The following UCHL5 variants were observed in gnomAD, a reference collection of about 807,000 sequenced individuals.
The protein encoded by UCHL5 is ubiquitin carboxyl-terminal hydrolase isozyme L5.
Under a neutral mutation model 53.8 loss-of-function variants are expected in UCHL5, and 34 were observed. That is an observed-to-expected ratio of 0.63 (90% CI 0.48 to 0.84). The LOEUF is 0.84. Among genes scored for constraint, UCHL5 ranks in the 40% least tolerant of loss-of-function variants. The pLI, the probability that UCHL5 is intolerant of heterozygous loss-of-function variation, is 0.00. For synonymous variants in UCHL5, 111 were observed against 126.3 expected, an observed-to-expected ratio of 0.88 and a Z score of 0.81; for missense variants, 290 against 385.6, an observed-to-expected ratio of 0.75 and a Z score of 2.08.
chr1:193,034,319 C>T (rs1361646233), intron 3 of UCHL5, among the ~76,000 whole-genome samples: 4 of 151,488 alleles, frequency 2.6e-5, no homozygotes, highest in South Asian at 2.1e-4. Flanking sequence ...ATATTAATAA[C>T]AACCGTATGA....
intron 3 of UCHL5, among the ~76,000 whole-genome samples, chr1:193,039,927 G>A (rs1664951450): frequency 6.6e-6 from 1 of 152,108 alleles, no homozygotes; most frequent in Admixed American, 6.6e-5. Flanking sequence ...ATGGTTCTGG[G>A]AAAACTGGAT....
At chr1:193,059,615 C>T (rs1253944427), upstream of UCHL5, 5 of 1,426,610 alleles carry the variant, frequency 3.5e-6, no homozygotes, top group Non-Finnish European at 4.7e-6. The surrounding 1 kb of genome is among the most constrained non-coding windows in gnomAD (Gnocchi z 4.9). Flanking sequence ...GGGCAGGACT[C>T]GTTCCCGGGA....
At chr1:193,020,955 G>T in intron 10 of UCHL5, 142 bp downstream of exon 10, 1 of 617,596 alleles carries the variant, frequency 1.6e-6, no homozygotes, top group Non-Finnish European at 2.8e-6. Context: ...TTACAGAGTA[G>T]AAAACAAGAG....
At chr1:193,042,236 A>G (rs1665828946) in intron 3 of UCHL5, among the ~76,000 whole-genome samples, 1 of 152,254 alleles carries the variant, frequency 6.6e-6, no homozygotes, top group African/African-American at 2.4e-5. Context: ...GATAAACAGA[A>G]TTCAACATAA....
chr1:193,034,322 C>T (rs1378094214), intron 3 of UCHL5, among the ~76,000 whole-genome samples: 1 of 151,474 alleles, frequency 6.6e-6, no homozygotes, highest in African/African-American at 2.4e-5. Flanking sequence ...TTAATAACAA[C>T]CGTATGAAAT....
Position 193,049,807 on chromosome 1 carries a change from TCTC to T in UCHL5, c.182_184del (p.Gly61del), listed in dbSNP as rs767126160. 6.2e-7 allele frequency: 1 copy of T among 1,612,522 alleles called. No individual in the cohort carries two copies. Among genetic ancestry groups the T allele is most frequent in the East Asian group, 2.2e-5 (1 of 44,856 alleles). The stretch of plus-strand genomic sequence containing the variant: ...CTGAACCACAGAGCCTGCTGGTTCT[TCTC>T]CTGGCTGCCACTTGAAAAGAAAAAT... On this transcript the variant is annotated inframe_deletion, in exon 3 of 11. Transcript: ENST00000367454.
chr1:193,023,963 TAA>T lies in UCHL5; in HGVS notation c.630-19_630-18del, dbSNP rs1658130079. 2 of 1,506,952 alleles carry T rather than the reference TAA, an allele frequency of 1.3e-6. No homozygotes were observed. The highest frequency in any genetic ancestry group is 1.8e-6 in the Non-Finnish European group (2 of 1,092,784). The allele number at this position is 1,506,952 out of a possible 1,614,324, so 93.3% of individuals were successfully genotyped here. ...TCACTGTACCTAGAAGAAAATTATT[TAA>T]GTTTATAATGTAATAAAGAATTGTA... On this transcript the variant is annotated intron_variant, in intron 7 of 10. Coordinates refer to ENST00000367454, the MANE Select transcript of UCHL5 (RefSeq NM_001199261.3).
Position 193,051,699 on chromosome 1 carries a change from T to A in UCHL5, c.140+55A>T, listed in dbSNP as rs1021324763. Reference sequence around the variant, plus strand: ...TAAACAAACAAATCTGAATATCCTTTAAGTTTGTTAAAGTATATATATATA... The same window carrying A: ...TAAACAAACAAATCTGAATATCCTTAAAGTTTGTTAAAGTATATATATATA... On this transcript the variant is annotated intron_variant, in intron 2 of 10. Transcript: ENST00000367454. 1.2e-4 allele frequency: 127 copies of A among 1,080,134 alleles called. 1 individual carries two copies. In the East Asian group the frequency reaches 3.5e-3, roughly 30 times the overall value. 66.9% of individuals were successfully genotyped at this position (1,080,134 alleles called of 1,614,324 possible). A position where few individuals can be genotyped will look rare whatever the true frequency, so the allele number is the denominator to read the frequency against.
chr1:193,017,169 C>G (rs1571403961), intron 10 of UCHL5, among the ~76,000 whole-genome samples: 1 of 151,754 alleles, frequency 6.6e-6, no homozygotes. Flanking sequence ...CTAACAAACT[C>G]TCAGATGATG....
intron 3 of UCHL5, among the ~76,000 whole-genome samples, chr1:193,045,735 A>C (rs1667131432): frequency 6.6e-6 from 1 of 152,214 alleles, no homozygotes; most frequent in Non-Finnish European, 1.5e-5. Context: ...TAAAAATATA[A>C]ATTGTTTTCA....
chr1:193,020,303 C>A, intron 10 of UCHL5: 1 of 1,541,746 alleles, frequency 6.5e-7, no homozygotes, highest in Non-Finnish European at 8.8e-7. Context: ...GAAAATATAC[C>A]TACCATGTAT....
chr1:193,048,179 T>C (rs1215552519), intron 3 of UCHL5, among the ~76,000 whole-genome samples: 2 of 152,182 alleles, frequency 1.3e-5, no homozygotes, highest in African/African-American at 2.4e-5. Context: ...CAAATGTGGT[T>C]TTCCAGACAA....
upstream of UCHL5, chr1:193,059,370 A>C: frequency 6.2e-7 from 1 of 1,606,670 alleles, no homozygotes; most frequent in Non-Finnish European, 8.5e-7. This position sits in a 1 kb window ranked among gnomAD's most constrained non-coding sequence, Gnocchi z 4.9. Flanking sequence ...CGTCAACCAC[A>C]CGTCACCCCG....
At chr1:193,047,120 C>G (rs992062779) in intron 3 of UCHL5, among the ~76,000 whole-genome samples, 1 of 152,068 alleles carries the variant, frequency 6.6e-6, no homozygotes, top group Non-Finnish European at 1.5e-5. Context: ...ATATCTGGCA[C>G]ACAACAAGAG....
intron 1 of UCHL5, among the ~76,000 whole-genome samples, chr1:193,056,226 A>G (rs900003510): frequency 9.2e-5 from 14 of 152,088 alleles, no homozygotes; most frequent in Non-Finnish European, 1.9e-4. Context: ...CACCTCTCTC[A>G]TTCCTATACT....
At chr1:193,052,687 G>A (rs1249917225) in intron 1 of UCHL5, among the ~76,000 whole-genome samples, 2 of 152,258 alleles carry the variant, frequency 1.3e-5, no homozygotes, top group South Asian at 2.1e-4. Flanking sequence ...GAGCTGTTTG[G>A]AGGAATTAAT....
At chr1:193,023,125 T>C (rs1018810417) in intron 8 of UCHL5, 89 bp from the exon 9 acceptor site, 4 of 1,008,898 alleles carry the variant, frequency 4.0e-6, no homozygotes, top group Non-Finnish European at 5.9e-6. Flanking sequence ...AGTATGATTA[T>C]TTTCAAATTT....
chr1:193,049,729 G>C lies in UCHL5; in HGVS notation c.246+17C>G. 1 of 1,564,886 alleles carries C rather than the reference G, an allele frequency of 6.4e-7. No individual in the cohort carries two copies. The highest frequency in any genetic ancestry group is 8.7e-7 in the Non-Finnish European group (1 of 1,152,042). On this transcript the variant is annotated intron_variant, in intron 3 of 10. Coordinates refer to ENST00000367454, the MANE Select transcript of UCHL5 (RefSeq NM_001199261.3). ...AGGGTTGCTCTTGAGACTTTTCAGA[G>C]TATCCAAGGACCATACCTGCTTAGC...
At chr1:193,052,311 C>T (rs1669312216) in intron 1 of UCHL5, among the ~76,000 whole-genome samples, 1 of 152,128 alleles carries the variant, frequency 6.6e-6, no homozygotes. Flanking sequence ...TCCCAAATAT[C>T]CTTCTAAGAC....
Sources: gnomAD v4.1 joint callset for allele counts (sites outside exome capture counted in the v4.1 genomes callset) on GRCh38, gnomAD v4.1.1 for gene constraint, Gnocchi (gnomAD v3.1) non-coding constraint, MANE v1.5 for transcripts, NCBI Gene and HGNC (gene_info 2026-07-23, HGNC 2026-07-21) for gene names.